The following C2CD5 variants were observed in gnomAD, a reference collection of about 807,000 sequenced individuals.
C2CD5 encodes the protein C2 calcium dependent domain containing 5.
A neutral mutation model predicts 130.3 loss-of-function variants in C2CD5; 109 were observed. The ratio of observed to expected loss-of-function variants is 0.84; its 90% CI spans 0.72 to 0.98. C2CD5 has a LOEUF of 0.98. C2CD5 is among the 50% of genes least tolerant of loss of function. The pLI, the probability that C2CD5 is intolerant of heterozygous loss-of-function variation, is 0.00. For missense variants in C2CD5, 996 were observed against 1,261.8 expected (o/e 0.79, Z 3.19); for synonymous variants, 454 against 429.2 (o/e 1.06, Z -0.71).
Position 22,484,745 on chromosome 12 carries a change from A to T in C2CD5, c.1502T>A (p.Leu501His). 1 of 1,602,434 alleles carries T rather than the reference A, an allele frequency of 6.2e-7. No homozygotes were observed. Among genetic ancestry groups the T allele is most frequent in the Non-Finnish European group, 8.5e-7 (1 of 1,175,538 alleles). ...VPDVLFTTID[L>H]PTDATVIGKG... The stretch of plus-strand genomic sequence containing the variant: ...TCCAATAACTGTTGCATCTGTTGGG[A>T]GGTCTATAGTTGTAAACAGAACATC... Residue 501 changes from leucine (L) to histidine (H), a missense_variant, in exon 13 of 27, where the codon CTC (leucine) becomes CAC (histidine). Leu to His is a moderately conservative substitution (Grantham distance 99, BLOSUM62 -3). Around this residue, in one of 9 missense-constraint regions of C2CD5, gnomAD observed 590 missense variants for 631.4 expected, o/e 0.93. Transcript: ENST00000446597.
chr12:22,466,155 T>TGAAATTTG (rs1942036884), intron 22 of C2CD5, among the ~76,000 whole-genome samples: 5 of 151,976 alleles, frequency 3.3e-5, no homozygotes, highest in African/African-American at 1.2e-4. Context: ...TATCTACAAG[T>TGAAATTTG]AAAAAGATGG....
At chr12:22,530,370 T>C (rs1951161686) in intron 3 of C2CD5, among the ~76,000 whole-genome samples, 1 of 150,948 alleles carries the variant, frequency 6.6e-6, no homozygotes, top group Admixed American at 6.6e-5. Flanking sequence ...TACTACATAA[T>C]CAATGTTAAC....
chr12:22,488,782 C>T (rs140832816), intron 12 of C2CD5, among the ~76,000 whole-genome samples: 2,282 of 152,056 alleles, frequency 0.015, 30 homozygotes, highest in Non-Finnish European at 0.022. Context: ...AAGAAACTGA[C>T]CAAGTTCCTC....
intron 2 of C2CD5, among the ~76,000 whole-genome samples, chr12:22,536,623 A>G (rs1592040156): frequency 6.6e-6 from 1 of 152,340 alleles, no homozygotes; most frequent in African/African-American, 2.4e-5. Context: ...AAGTATGATT[A>G]TATTTGTTTC....
intron 22 of C2CD5, among the ~76,000 whole-genome samples, chr12:22,462,976 C>T (rs1403033722): frequency 6.6e-6 from 1 of 151,904 alleles, no homozygotes; most frequent in Admixed American, 6.6e-5. Context: ...CCCAGCTACT[C>T]AGGAGGCTGA....
chr12:22,456,779 G>T (rs1318100910), intron 25 of C2CD5, among the ~76,000 whole-genome samples, 192 bp downstream of exon 25: 1 of 152,036 alleles, frequency 6.6e-6, no homozygotes, highest in African/African-American at 2.4e-5. Flanking sequence ...CAATAAATAG[G>T]TTTAAAACTA....
intron 10 of C2CD5, among the ~76,000 whole-genome samples, chr12:22,496,267 A>G (rs192560298): frequency 5.9e-5 from 9 of 152,250 alleles, no homozygotes; most frequent in Admixed American, 5.9e-4. Flanking sequence ...TTTAATCCCT[A>G]TAATAGAATG....
intron 22 of C2CD5, among the ~76,000 whole-genome samples, chr12:22,462,645 G>A (rs1941376891): frequency 6.6e-6 from 1 of 152,194 alleles, no homozygotes; most frequent in Admixed American, 6.5e-5. Flanking sequence ...ACATTCTCCA[G>A]TACGTCTAAA....
chr12:22,501,764 T>C (rs984804264), intron 10 of C2CD5, among the ~76,000 whole-genome samples: 3 of 152,088 alleles, frequency 2.0e-5, no homozygotes, highest in East Asian at 3.8e-4. Flanking sequence ...ATGAACATGA[T>C]TTACTTCATA....
chr12:22,478,446 G>A lies in C2CD5; in HGVS notation c.1769C>T (p.Pro590Leu). 1 of 1,613,572 alleles carries A rather than the reference G, an allele frequency of 6.2e-7. No individual in the cohort carries two copies. ...AGCAATCTGAATACCACCAGGAGTT[G>A]GTAAAGCTGCTAAATACACACCTGT... Reference protein sequence around the residue: ...SATGVYLAALPTPGGIQIAGK... With the variant: ...SATGVYLAALLTPGGIQIAGK... Residue 590 changes from proline (P) to leucine (L), a missense_variant, in exon 15 of 27, where the codon CCA (proline) becomes CTA (leucine). By Grantham distance (98) the Pro-to-Leu change is moderately conservative. Around this residue, in one of 9 missense-constraint regions of C2CD5, gnomAD observed 590 missense variants for 631.4 expected, o/e 0.93. Transcript: ENST00000446597.
At chr12:22,464,317 A>G (rs1941701588) in intron 22 of C2CD5, among the ~76,000 whole-genome samples, 1 of 152,096 alleles carries the variant, frequency 6.6e-6, no homozygotes, top group Non-Finnish European at 1.5e-5. Flanking sequence ...TTCTTCTTCA[A>G]TCCCCTTCTT....
intron 25 of C2CD5, among the ~76,000 whole-genome samples, chr12:22,456,191 G>A (rs191057994): frequency 6.6e-6 from 1 of 152,258 alleles, no homozygotes; most frequent in East Asian, 1.9e-4. Flanking sequence ...GCACAGCTAA[G>A]TCATCTTTAT....
At chr12:22,527,218 GCAT>G (rs779029925) in intron 4 of C2CD5, among the ~76,000 whole-genome samples, 6 of 150,524 alleles carry the variant, frequency 4.0e-5, no homozygotes, top group Non-Finnish European at 8.8e-5. Context: ...AATTTAGCAA[GCAT>G]TATCTCAAAT....
At chr12:22,460,966 C>T (rs1053811794) in intron 22 of C2CD5, among the ~76,000 whole-genome samples, 7 of 152,166 alleles carry the variant, frequency 4.6e-5, no homozygotes, top group Non-Finnish European at 8.8e-5. Context: ...GTGGGGTCCA[C>T]GAATGGCCTA....
In C2CD5 at chr12:22,469,385, A is replaced by C. The variant is rs143380735; in HGVS notation, c.2533+324T>G. Among the ~76,000 whole-genome samples the C allele has an allele frequency of 2.5e-3, 377 of 152,270 alleles. 2 individuals carry two copies. The highest frequency in any genetic ancestry group is 8.6e-3 in the African/African-American group (357 of 41,564). On this transcript the variant is annotated intron_variant, in intron 22 of 26. Coordinates refer to ENST00000446597, the MANE Select transcript of C2CD5 (RefSeq NM_001286176.2). ...AATTGTTGCTGGAAAAAACTTACCAAATATAATATAAAATATCAAGTATTC... is the reference window on the plus strand; with the variant it reads ...AATTGTTGCTGGAAAAAACTTACCACATATAATATAAAATATCAAGTATTC...
chr12:22,482,602 T>C lies in C2CD5; in HGVS notation c.1692A>G (p.Leu564=). 1 of 1,613,846 alleles carries C rather than the reference T, an allele frequency of 6.2e-7. No individual in the cohort carries two copies. The highest frequency in any genetic ancestry group is 8.5e-7 in the Non-Finnish European group (1 of 1,179,822). Residue 564 remains leucine (L), a synonymous_variant, in exon 14 of 27, where the codon CTA becomes CTG. Transcript: ENST00000446597. ...KLKGMNALFG[L]RIQITVGENM... ...TTTCACCCACTGTGATCTGAATTCT[T>C]AGTCCAAACAAAGCATTCATTCCTT...
chr12:22,500,740 A>G lies in C2CD5; in HGVS notation c.1147+5971T>C, dbSNP rs570079915. ...CATTACTGTATAATAACATTTTCCT[A>G]TAACTTTCCATATTTTAATGTTTCT... On this transcript the variant is annotated intron_variant, in intron 10 of 26. Coordinates refer to ENST00000446597, the MANE Select transcript of C2CD5 (RefSeq NM_001286176.2). Among the ~76,000 whole-genome samples, 4 of 152,304 alleles carry G rather than the reference A, an allele frequency of 2.6e-5. No individual in the cohort carries two copies. In the South Asian group the frequency reaches 8.3e-4, roughly 32 times the overall value.
At position 22,449,543 on chromosome 12, in the gene C2CD5, T is replaced by C. The variant is rs1052230817; in HGVS notation, c.*217A>G. 1.8e-5 allele frequency: 7 copies of C among 378,534 alleles called. No individual in the cohort carries two copies. Among genetic ancestry groups the C allele is most frequent in the Non-Finnish European group, 2.8e-5 (6 of 210,644 alleles). 23.4% of individuals were successfully genotyped at this position (378,534 alleles called of 1,614,324 possible). A position where few individuals can be genotyped will look rare whatever the true frequency, so the allele number is the denominator to read the frequency against. ...CTTTTAAAAATTTATCTTAACTTAC[T>C]GAAGGGTCAAGACCCCACAGGGCCT... is the stretch of plus-strand genomic sequence containing the variant. On this transcript the variant is annotated 3_prime_UTR_variant, in exon 27 of 27. Coordinates refer to ENST00000446597, the MANE Select transcript of C2CD5 (RefSeq NM_001286176.2).
In C2CD5 at chr12:22,484,771, A is replaced by C. The variant is rs1244779345; in HGVS notation, c.1476T>G (p.Pro492=). The C allele has an allele frequency of 6.2e-7, 1 of 1,610,746 alleles. No individual in the cohort carries two copies. The highest frequency in any genetic ancestry group is 8.5e-7 in the Non-Finnish European group (1 of 1,178,120). ...GGTCTATAGTTGTAAACAGAACATC[A>C]GGAACTTTTTGTTTCCTGCAGTTAT... is the stretch of plus-strand genomic sequence containing the variant. ...YCYNCRKQKV[P]DVLFTTIDLP... Residue 492 remains proline (P), a synonymous_variant, in exon 13 of 27, where the codon CCT becomes CCG. Transcript: ENST00000446597.
Sources: allele counts gnomAD v4.1 joint callset (sites outside exome capture counted in the v4.1 genomes callset), GRCh38; gene constraint gnomAD v4.1.1; regional missense constraint gnomAD v4.1.1; transcripts MANE v1.5; gene names NCBI Gene and HGNC (gene_info 2026-07-23, HGNC 2026-07-21).